The following DNER variants were observed in gnomAD, a reference collection of about 807,000 sequenced individuals.
The protein encoded by DNER is delta and Notch-like epidermal growth factor-related receptor.
Under a neutral mutation model 78.2 loss-of-function variants are expected in DNER, and 33 were observed. That is an observed-to-expected ratio of 0.42 (90% confidence interval 0.32 to 0.56). The LOEUF (loss-of-function observed/expected upper bound fraction) is 0.56, where lower values mean the gene tolerates loss of function less well. Among genes scored for constraint, DNER ranks in the 20% least tolerant of loss-of-function variants. DNER has a pLI of 0.11. For synonymous variants in DNER, 417 were observed against 384.8 expected, an observed-to-expected ratio of 1.08 and a Z score of -0.98; for missense variants, 918 against 975.3, an observed-to-expected ratio of 0.94 and a Z score of 0.78.
intron 1 of DNER, among the ~76,000 whole-genome samples, chr2:229,677,210 C>T (rs1387464950): frequency 1.3e-5 from 2 of 152,162 alleles, no homozygotes; most frequent in African/African-American, 2.4e-5. Flanking sequence ...GCACTGCTTT[C>T]CTCCTGGGGT....
intron 1 of DNER, chr2:229,701,949 TG>T: frequency 5.9e-6 from 1 of 170,428 alleles, no homozygotes; most frequent in African/African-American, 2.4e-5. Flanking sequence ...CCAAACCAGT[TG>T]TAGAGACGGG....
intron 5 of DNER, among the ~76,000 whole-genome samples, chr2:229,538,815 A>C (rs1053997449): frequency 6.6e-6 from 1 of 152,242 alleles, no homozygotes; most frequent in African/African-American, 2.4e-5. Flanking sequence ...CTGGGATTAC[A>C]GGCGTGAGCC....
At chr2:229,491,958 C>T (rs960072260) in intron 6 of DNER, among the ~76,000 whole-genome samples, 5 of 151,254 alleles carry the variant, frequency 3.3e-5, no homozygotes, top group African/African-American at 7.3e-5. Context: ...ATTACACACA[C>T]ACACACACAC....
At chr2:229,372,742 C>A (rs1692513587) in intron 11 of DNER, among the ~76,000 whole-genome samples, 1 of 152,128 alleles carries the variant, frequency 6.6e-6, no homozygotes, top group South Asian at 2.1e-4. Flanking sequence ...GGTTCAGAGG[C>A]TCCTGTAGGA....
chr2:229,551,567 G>T (rs958842326), intron 4 of DNER, among the ~76,000 whole-genome samples: 3 of 152,280 alleles, frequency 2.0e-5, no homozygotes, highest in African/African-American at 7.2e-5. Flanking sequence ...GCAGGAGGCA[G>T]AGGTTGCAGT....
chr2:229,517,520 G>A (rs1270142329), intron 5 of DNER, among the ~76,000 whole-genome samples: 2 of 152,188 alleles, frequency 1.3e-5, no homozygotes, highest in Non-Finnish European at 2.9e-5. Flanking sequence ...TCCAGGTGAG[G>A]GGAACAGCCA....
chr2:229,703,336 T>C (rs917311578), intron 1 of DNER, among the ~76,000 whole-genome samples: 2 of 152,068 alleles, frequency 1.3e-5, no homozygotes, highest in Admixed American at 6.5e-5. Context: ...TATTAGACAT[T>C]TGTAAGCAAA....
chr2:229,367,657 T>A, intron 11 of DNER, among the ~76,000 whole-genome samples: 1 of 151,876 alleles, frequency 6.6e-6, no homozygotes, highest in East Asian at 1.9e-4. Context: ...TAAGGAGGAA[T>A]TCATCAAAAA....
chr2:229,408,297 T>A (rs1238279516), intron 9 of DNER, among the ~76,000 whole-genome samples: 1 of 152,204 alleles, frequency 6.6e-6, no homozygotes, highest in Non-Finnish European at 1.5e-5. Context: ...TCTATTTTTT[T>A]ATAATTTTAT....
intron 12 of DNER, among the ~76,000 whole-genome samples, chr2:229,360,857 T>C (rs971676483): frequency 2.6e-5 from 4 of 152,168 alleles, no homozygotes; most frequent in African/African-American, 4.8e-5. Context: ...TGGGATTAAC[T>C]CCAAACAAGT....
rs185005473 is a variant in DNER, at chr2:229,498,424, C to A, written c.1147+14359G>T. On this transcript the variant is annotated intron_variant, in intron 6 of 12. Coordinates refer to ENST00000341772, the MANE Select transcript of DNER (RefSeq NM_139072.4). ...ATATAACTTAATATACTAGCCAGAG[C>A]AATTAGGCAAGAAAAAGAAATAAAA... Among the ~76,000 whole-genome samples the A allele has an allele frequency of 1.4e-4, 22 of 152,128 alleles. 1 individual carries two copies. The highest frequency in any genetic ancestry group is 4.8e-4 in the African/African-American group (20 of 41,518).
intron 1 of DNER, among the ~76,000 whole-genome samples, chr2:229,592,999 C>T (rs1480702897): frequency 6.6e-6 from 1 of 152,132 alleles, no homozygotes; most frequent in Non-Finnish European, 1.5e-5. Context: ...CCAACAGACT[C>T]CTGAAGGAAT....
rs562910052 is a variant in DNER, at chr2:229,364,203, T to C, written c.2102+2670A>G. ...AAGTTCTTCATCTCCAATCCAGTAA[T>C]TTCAGGATACTGCAAATGTTCCTCT... On this transcript the variant is annotated intron_variant, in intron 12 of 12. Transcript: ENST00000341772. Among the ~76,000 whole-genome samples, 3 of 151,960 alleles carry C rather than the reference T, an allele frequency of 2.0e-5. No homozygotes were observed. In the East Asian group the frequency reaches 5.8e-4, roughly 30 times the overall value.
chr2:229,459,754 T>C (rs1227490082), intron 7 of DNER, among the ~76,000 whole-genome samples: 1 of 152,042 alleles, frequency 6.6e-6, no homozygotes, highest in Non-Finnish European at 1.5e-5. Flanking sequence ...TATGAAATTA[T>C]GTTCAGATCA....
chr2:229,366,386 C>G (rs1431575760), intron 12 of DNER, among the ~76,000 whole-genome samples: 1 of 152,192 alleles, frequency 6.6e-6, no homozygotes, highest in East Asian at 1.9e-4. Flanking sequence ...TGACACCACA[C>G]TAACTCCTTG....
At chr2:229,557,938 T>C (rs765395035) in intron 4 of DNER, among the ~76,000 whole-genome samples, 2 of 152,208 alleles carry the variant, frequency 1.3e-5, no homozygotes, top group Non-Finnish European at 2.9e-5. Flanking sequence ...GTACATTCAT[T>C]GCAGCACTAT....
intron 5 of DNER, among the ~76,000 whole-genome samples, chr2:229,541,115 G>C (rs879514227): frequency 2.0e-5 from 3 of 152,238 alleles, no homozygotes; most frequent in Non-Finnish European, 2.9e-5. Context: ...GGAGTCAGCA[G>C]GAAGGGGGAG....
intron 1 of DNER, among the ~76,000 whole-genome samples, chr2:229,697,101 C>A (rs1255909825): frequency 6.6e-6 from 1 of 152,130 alleles, no homozygotes; most frequent in Non-Finnish European, 1.5e-5. Context: ...ATTCAAATGT[C>A]CATCAACAGA....
chr2:229,554,926 A>AAAAAG (rs1696826932), intron 4 of DNER, among the ~76,000 whole-genome samples: 15 of 53,980 alleles, frequency 2.8e-4, no homozygotes, highest in Non-Finnish European at 4.7e-4. Context: ...AGAAGAGAAG[A>AAAAAG]GAAGAGAAGA....
Sources: gnomAD v4.1 joint callset for allele counts (sites outside exome capture counted in the v4.1 genomes callset) on GRCh38, gnomAD v4.1.1 for gene constraint, MANE v1.5 for transcripts, NCBI Gene and HGNC (gene_info 2026-07-23, HGNC 2026-07-21) for gene names.